Variants in PRUNE2 observed in about 807,000 individuals in gnomAD.
PRUNE2 encodes the protein protein prune homolog 2.
In PRUNE2, 164 loss-of-function variants were observed where a neutral mutation model predicts 252.0. That is an observed-to-expected ratio of 0.65 (90% CI 0.57 to 0.74). The LOEUF is 0.74. PRUNE2 is among the 30% of genes least tolerant of loss of function. The pLI is 0.00. For synonymous variants in PRUNE2, 1,292 were observed against 1,350.2 expected, an observed-to-expected ratio of 0.96 and a Z score of 0.94; for missense variants, 3,495 against 3,711.0, an observed-to-expected ratio of 0.94 and a Z score of 1.51.
At chr9:76,858,643 G>A (rs577736488) in intron 1 of PRUNE2, among the ~76,000 whole-genome samples, 2 of 151,714 alleles carry the variant, frequency 1.3e-5, no homozygotes, top group South Asian at 4.2e-4. Flanking sequence ...AGCATTAGGA[G>A]AAATACCTAA....
intron 15 of PRUNE2, among the ~76,000 whole-genome samples, chr9:76,631,143 C>T (rs1837469126): frequency 6.6e-6 from 1 of 152,176 alleles, no homozygotes; most frequent in African/African-American, 2.4e-5. Flanking sequence ...CACACACTAC[C>T]AGTGATATGC....
intron 6 of PRUNE2, among the ~76,000 whole-genome samples, chr9:76,791,912 C>T (rs976326166): frequency 6.6e-6 from 1 of 151,980 alleles, no homozygotes; most frequent in Non-Finnish European, 1.5e-5. Flanking sequence ...GCTGGTAGGA[C>T]CTGAGAAAGG....
At chr9:76,648,486 T>C (rs1028570556) in intron 11 of PRUNE2, among the ~76,000 whole-genome samples, 4 of 152,134 alleles carry the variant, frequency 2.6e-5, no homozygotes, top group Non-Finnish European at 4.4e-5. Flanking sequence ...TATTCAGCAT[T>C]AAAAAGAAAT....
intron 6 of PRUNE2, among the ~76,000 whole-genome samples, chr9:76,766,007 C>A (rs996970595): frequency 6.6e-6 from 1 of 151,836 alleles, no homozygotes; most frequent in African/African-American, 2.4e-5. Context: ...ATGATGAAAC[C>A]CCGTCTCTAC....
chr9:76,836,845 A>G (rs1244774446), intron 4 of PRUNE2, among the ~76,000 whole-genome samples: 1 of 152,194 alleles, frequency 6.6e-6, no homozygotes, highest in East Asian at 1.9e-4. Context: ...GGGGGACATT[A>G]TTAGAAAAAC....
At chr9:76,833,638 G>A (rs1299030009) in intron 4 of PRUNE2, among the ~76,000 whole-genome samples, 1 of 151,742 alleles carries the variant, frequency 6.6e-6, no homozygotes, top group African/African-American at 2.4e-5. Flanking sequence ...GGTGGCAGGC[G>A]CCTCTAGTCC....
intron 11 of PRUNE2, 98 bp from the exon 12 acceptor site, chr9:76,645,007 G>C: frequency 9.1e-7 from 1 of 1,096,768 alleles, no homozygotes; most frequent in Non-Finnish European, 1.3e-6. Context: ...GTACTCCTAC[G>C]GGCAGCCTTT....
chr9:76,657,147 T>A (rs190004698), intron 9 of PRUNE2, among the ~76,000 whole-genome samples: 341 of 152,346 alleles, frequency 2.2e-3, no homozygotes, highest in African/African-American at 7.9e-3. Flanking sequence ...CTTACAATGA[T>A]CTTTGTCATT....
Position 76,703,566 on chromosome 9 carries a change from G to C in PRUNE2, c.8047C>G (p.Leu2683Val), listed in dbSNP as rs1272673690. The C allele has an allele frequency of 1.2e-6, 2 of 1,613,758 alleles. No individual in the cohort carries two copies. ...GCTTCCTCTAGTGCCAAAGATTCTA[G>C]AGGCTTCATTTCTTCCAGAATCTGC... Reference protein sequence around the residue: ...QLQILEEMKPLESLALEEASG... With the variant: ...QLQILEEMKPVESLALEEASG... Residue 2683 changes from leucine to valine, a missense_variant, in exon 9 of 19, where the codon CTA becomes GTA. Coordinates refer to ENST00000376718, the MANE Select transcript of PRUNE2 (RefSeq NM_015225.3).
At chr9:76,780,481 A>T (rs937405232) in intron 6 of PRUNE2, among the ~76,000 whole-genome samples, 2 of 152,066 alleles carry the variant, frequency 1.3e-5, no homozygotes, top group Admixed American at 1.3e-4. Flanking sequence ...AGGCCAGGAG[A>T]TCAAGACCAT....
At chr9:76,624,358 C>T in intron 17 of PRUNE2, 94 bp downstream of exon 17, 3 of 727,590 alleles carry the variant, frequency 4.1e-6, no homozygotes, top group Non-Finnish European at 6.1e-6. Context: ...TATCAGGAAG[C>T]AGGAATAAAA....
intron 6 of PRUNE2, among the ~76,000 whole-genome samples, chr9:76,797,325 G>A (rs2056184820): frequency 6.6e-6 from 1 of 151,972 alleles, no homozygotes; most frequent in South Asian, 2.1e-4. Flanking sequence ...TACCAAATTG[G>A]CAATTACTTC....
intron 11 of PRUNE2, among the ~76,000 whole-genome samples, chr9:76,649,612 T>TAGATGATAGATAGATAGATA (rs1554795862): frequency 6.7e-6 from 1 of 149,868 alleles, no homozygotes; most frequent in Non-Finnish European, 1.5e-5. Flanking sequence ...GATAGATAGA[T>TAGATGATAGATAGATAGATA]GATAGATAGA....
At chr9:76,806,371 G>T (rs1466525026) in intron 6 of PRUNE2, among the ~76,000 whole-genome samples, 1 of 152,138 alleles carries the variant, frequency 6.6e-6, no homozygotes. Flanking sequence ...CGGATACACT[G>T]TTATGGTGTT....
chr9:76,664,663 G>C (rs949285285), intron 9 of PRUNE2, among the ~76,000 whole-genome samples: 5 of 152,134 alleles, frequency 3.3e-5, no homozygotes, highest in African/African-American at 1.2e-4. Context: ...TGGGATTACA[G>C]ACGTGCACCA....
intron 6 of PRUNE2, among the ~76,000 whole-genome samples, chr9:76,812,096 G>A (rs1488277381): frequency 6.6e-6 from 1 of 152,168 alleles, no homozygotes; most frequent in African/African-American, 2.4e-5. Context: ...GTCCAGGATG[G>A]TGAAAGCTCG....
At chr9:76,867,226 G>A (rs2060901341) in intron 1 of PRUNE2, among the ~76,000 whole-genome samples, 1 of 140,488 alleles carries the variant, frequency 7.1e-6, no homozygotes, top group Non-Finnish European at 1.5e-5. Flanking sequence ...CCGCCAGCAG[G>A]TGTTTCATGC....
chr9:76,786,147 G>A (rs1341333823), intron 6 of PRUNE2: 6 of 152,154 alleles, frequency 3.9e-5, no homozygotes, highest in Non-Finnish European at 8.8e-5. Flanking sequence ...TCATCTTTTA[G>A]GAATCATTTA....
intron 4 of PRUNE2, among the ~76,000 whole-genome samples, chr9:76,845,441 A>C (rs1317839374): frequency 6.6e-6 from 1 of 152,162 alleles, no homozygotes; most frequent in Non-Finnish European, 1.5e-5. Flanking sequence ...CTCTGTCACA[A>C]AGATAAATGG....
Sources: allele counts gnomAD v4.1 joint callset (sites outside exome capture counted in the v4.1 genomes callset), GRCh38; gene constraint gnomAD v4.1.1; transcripts MANE v1.5; gene names NCBI Gene and HGNC (gene_info 2026-07-23, HGNC 2026-07-21).